Variants in CEP135 observed in about 807,000 individuals in gnomAD.
CEP135 encodes centrosomal protein 135.
In CEP135, 142 loss-of-function variants were observed where a neutral mutation model predicts 157.3. The ratio of observed to expected loss-of-function variants is 0.90; its 90% CI spans 0.79 to 1.04. The LOEUF (loss-of-function observed/expected upper bound fraction) is 1.04, where lower values mean the gene tolerates loss of function less well. Among genes scored for constraint, CEP135 ranks in the 50% least tolerant of loss-of-function variants. The pLI, the probability that CEP135 is intolerant of heterozygous loss-of-function variation, is 0.00. For synonymous variants in CEP135, 396 were observed against 439.8 expected (o/e 0.90, Z 1.25); for missense variants, 1,317 against 1,309.2 (o/e 1.01, Z -0.09).
chr4:55,964,807 T>A (rs55670460), intron 7 of CEP135: 8 of 151,626 alleles, frequency 5.3e-5, no homozygotes, highest in African/African-American at 1.9e-4. Context: ...TTTTCTTTTT[T>A]AAAATTTTTA....
At chr4:55,954,461 C>T (rs1728450427) in intron 4 of CEP135, 78 bp downstream of exon 4, 9 of 1,263,234 alleles carry the variant, frequency 7.1e-6, no homozygotes, top group Non-Finnish European at 9.7e-6. Flanking sequence ...TAAAATAGGA[C>T]TTTGGATTGG....
intron 17 of CEP135, among the ~76,000 whole-genome samples, chr4:56,000,729 T>C (rs575782147): frequency 9.8e-5 from 15 of 152,358 alleles, no homozygotes; most frequent in Non-Finnish European, 1.5e-4. Context: ...CAGATATTTC[T>C]TTGATATATT....
Position 55,999,235 on chromosome 4 carries a change from T to A in CEP135, c.2010-67T>A. 1.6e-6 allele frequency: 2 copies of A among 1,241,240 alleles called. 1 individual carries two copies. Among genetic ancestry groups the A allele is most frequent in the South Asian group, 2.7e-5 (2 of 73,038 alleles). The allele number at this position is 1,241,240 out of a possible 1,614,324, so 76.9% of individuals were successfully genotyped here. ...GACATCAAAATATTTTTAAGAAATC[T>A]CATTTTTTAAACGTATTTCTATGAG... On this transcript the variant is annotated intron_variant, in intron 15 of 25. Transcript: ENST00000257287.
intron 11 of CEP135, among the ~76,000 whole-genome samples, chr4:55,976,230 G>A (rs539695909): frequency 2.0e-4 from 29 of 146,902 alleles, no homozygotes; most frequent in African/African-American, 7.3e-4. Context: ...TTCCAGCCTG[G>A]GTGACAAAAA....
At chr4:56,007,886 T>A (rs999460620) in intron 17 of CEP135, among the ~76,000 whole-genome samples, 1 of 152,216 alleles carries the variant, frequency 6.6e-6, no homozygotes, top group African/African-American at 2.4e-5. Flanking sequence ...GTTAGCATTG[T>A]ATATTTATTT....
At chr4:55,996,402 T>C (rs1729972544) in intron 15 of CEP135, among the ~76,000 whole-genome samples, 2 of 152,202 alleles carry the variant, frequency 1.3e-5, no homozygotes, top group Admixed American at 1.3e-4. Flanking sequence ...ATAAGTTATC[T>C]GGATGCTTAA....
intron 21 of CEP135, among the ~76,000 whole-genome samples, chr4:56,014,844 C>T (rs1375362539): frequency 3.3e-5 from 5 of 151,996 alleles, no homozygotes; most frequent in East Asian, 1.9e-4. Context: ...CAAAAAACTA[C>T]GCTCAGGAGT....
chr4:55,974,732 A>G lies in CEP135; in HGVS notation c.1250-14A>G, dbSNP rs1729137418. On this transcript the variant is annotated splice_polypyrimidine_tract_variant and intron_variant, in intron 10 of 25. Transcript: ENST00000257287. ...TACAACATTATTTTAAGAGTTAACC[A>G]CTTTAATTTACAGAACGACAACTTA... 1 of 1,589,296 alleles carries G rather than the reference A, an allele frequency of 6.3e-7. No homozygotes were observed. Among genetic ancestry groups the G allele is most frequent in the Non-Finnish European group, 8.6e-7 (1 of 1,162,726 alleles).
intron 15 of CEP135, among the ~76,000 whole-genome samples, chr4:55,997,801 ACT>A (rs957131310): frequency 1.3e-4 from 20 of 151,886 alleles, no homozygotes; most frequent in African/African-American, 4.6e-4. Context: ...ACAAAGTACC[ACT>A]CTCTGTTGTT....
At chr4:56,028,945 A>G (rs951607840) in intron 25 of CEP135, among the ~76,000 whole-genome samples, 2 of 152,182 alleles carry the variant, frequency 1.3e-5, no homozygotes, top group Non-Finnish European at 2.9e-5. Flanking sequence ...TCAGATGCCA[A>G]TAGCAAGTCC....
Position 56,019,473 on chromosome 4 carries a change from T to C in CEP135, c.3133T>C (p.Phe1045Leu), listed in dbSNP as rs1689547330. 1.2e-6 allele frequency: 2 copies of C among 1,613,918 alleles called. No individual in the cohort carries two copies. Among genetic ancestry groups the C allele is most frequent in the South Asian group, 2.2e-5 (2 of 91,072 alleles). The change falls in exon 23 of 26, where the codon TTT becomes CTT. Residue 1045 changes from phenylalanine (F) to leucine (L), a missense_variant. Phe to Leu is a conservative substitution (Grantham distance 22, BLOSUM62 0). Coordinates refer to ENST00000257287, the MANE Select transcript of CEP135 (RefSeq NM_025009.5). ...GTTGGCTACAAACAGAGATAAAGAA[T>C]TTCATTCTCACTTAACCTCCCACGA... ...SLLATNRDKE[F>L]HSHLTSHEKD...
At chr4:55,983,179 C>T (rs986175075) in intron 13 of CEP135, among the ~76,000 whole-genome samples, 1 of 152,192 alleles carries the variant, frequency 6.6e-6, no homozygotes, top group Non-Finnish European at 1.5e-5. Flanking sequence ...TGGGAAACTT[C>T]TGTGCAGTAT....
chr4:55,977,907 G>A (rs1295931317), intron 11 of CEP135, among the ~76,000 whole-genome samples: 2 of 152,124 alleles, frequency 1.3e-5, no homozygotes, highest in Non-Finnish European at 2.9e-5. Flanking sequence ...AGTTCTGGTA[G>A]AAAGCTAGGG....
At chr4:55,954,875 G>A (rs538008670) in intron 4 of CEP135, among the ~76,000 whole-genome samples, 20 of 152,240 alleles carry the variant, frequency 1.3e-4, no homozygotes, top group Admixed American at 7.8e-4. Context: ...ATTTGAGGCC[G>A]CTTCAAGACC....
chr4:55,973,590 A>T (rs1729096152), intron 10 of CEP135, among the ~76,000 whole-genome samples: 2 of 152,168 alleles, frequency 1.3e-5, no homozygotes, highest in Non-Finnish European at 2.9e-5. Flanking sequence ...TAAAAACCTT[A>T]CAAATTAATG....
intron 22 of CEP135, 38 bp downstream of exon 22, chr4:56,017,895 G>T: frequency 1.3e-6 from 2 of 1,543,368 alleles, no homozygotes; most frequent in Non-Finnish European, 1.8e-6. Context: ...TTGTTTTATT[G>T]AGCCCTACTC....
At position 56,020,688 on chromosome 4, in the gene CEP135, C is replaced by A; in HGVS notation, c.3228C>A (p.Ser1076Arg). 1 of 1,613,260 alleles carries A rather than the reference C, an allele frequency of 6.2e-7. No homozygotes were observed. The highest frequency in any genetic ancestry group is 1.7e-5 in the Admixed American group (1 of 59,950). The change falls in exon 24 of 26, where the codon AGC becomes AGA. Residue 1076 changes from serine (S) to arginine (R), a missense_variant. Physicochemically the swap from Ser to Arg is moderately radical, Grantham distance 110 (BLOSUM62 -1). Coordinates refer to ENST00000257287, the MANE Select transcript of CEP135 (RefSeq NM_025009.5). ...TLSESKLTSQ[S>R]RENTMLRAKV... ...ATTTGTTTTTAAGAACTAGTCAAAG[C>A]CGGGAAAACACCATGCTTCGAGCTA...
chr4:56,017,961 G>A (rs1183760146), intron 22 of CEP135, 104 bp downstream of exon 22: 2 of 1,006,460 alleles, frequency 2.0e-6, no homozygotes, highest in South Asian at 1.7e-5. Context: ...TCCTTTTAGA[G>A]TAGTTACTTT....
chr4:55,986,452 G>A (rs1192596945), intron 14 of CEP135, among the ~76,000 whole-genome samples: 1 of 152,114 alleles, frequency 6.6e-6, no homozygotes, highest in Non-Finnish European at 1.5e-5. Context: ...TGAAGTAAGA[G>A]GATCACTGGA....
Sources: gnomAD v4.1 joint callset for allele counts (sites outside exome capture counted in the v4.1 genomes callset) on GRCh38, gnomAD v4.1.1 for gene constraint, MANE v1.5 for transcripts, NCBI Gene and HGNC (gene_info 2026-07-23, HGNC 2026-07-21) for gene names.